Variants in ENDOV observed in about 807,000 individuals in gnomAD.
ENDOV encodes hEndoV.
Under a neutral mutation model 39.4 loss-of-function variants are expected in ENDOV, and 37 were observed. The observed-to-expected ratio is 0.94, with a 90% confidence interval of 0.72 to 1.23. The LOEUF (loss-of-function observed/expected upper bound fraction) is 1.23, where lower values mean the gene tolerates loss of function less well. ENDOV is among the 50% of genes most tolerant of loss of function. The pLI, the probability that ENDOV is intolerant of heterozygous loss-of-function variation, is 0.00. For synonymous variants in ENDOV, 186 were observed against 163.4 expected, an observed-to-expected ratio of 1.14 and a Z score of -1.05; for missense variants, 441 against 375.7, an observed-to-expected ratio of 1.17 and a Z score of -1.44.
chr17:80,425,322 C>G, intron 6 of ENDOV, 170 bp from the exon 7 acceptor site: 1 of 1,043,108 alleles, frequency 9.6e-7, no homozygotes, highest in Non-Finnish European at 1.4e-6. Flanking sequence ...CAGGGACAAG[C>G]AGCAGGAAGG....
chr17:80,422,438 G>A (rs923668110), intron 4 of ENDOV, among the ~76,000 whole-genome samples, 193 bp downstream of exon 4: 1 of 152,060 alleles, frequency 6.6e-6, no homozygotes, highest in Admixed American at 6.5e-5. Flanking sequence ...GTAAAGGACT[G>A]TCTACTTTCG....
Position 80,428,425 on chromosome 17 carries a change from T to G in ENDOV, c.715-171T>G, listed in dbSNP as rs770794034. ...TTGACCCCAAAGTCCCAGGCATGCC[T>G]GTCCCACACTCGCTGACAGGGCCGC... On this transcript the variant is annotated intron_variant, in intron 7 of 9. Coordinates refer to ENST00000518137, the MANE Select transcript of ENDOV (RefSeq NM_173627.5). 7.2e-5 allele frequency: 47 copies of G among 649,580 alleles called. 1 individual carries two copies. The highest frequency in any genetic ancestry group is 1.7e-4 in the Admixed American group (6 of 35,556). The allele number at this position is 649,580 out of a possible 1,614,324, so 40.2% of individuals were successfully genotyped here.
chr17:80,428,589 C>A lies in ENDOV; in HGVS notation c.715-7C>A. ...TCAGCACCCAGCAGCACGTCTGTCT[C>A]CCCCAGGCTGACATCTGCTCCCGAG... is the stretch of plus-strand genomic sequence containing the variant. On this transcript the variant is annotated splice_polypyrimidine_tract_variant and splice_region_variant and intron_variant, in intron 7 of 9. Coordinates refer to ENST00000518137, the MANE Select transcript of ENDOV (RefSeq NM_173627.5). 1 of 1,577,004 alleles carries A rather than the reference C, an allele frequency of 6.3e-7. No homozygotes were observed. Among genetic ancestry groups the A allele is most frequent in the South Asian group, 1.2e-5 (1 of 85,794 alleles).
intron 5 of ENDOV, 48 bp downstream of exon 5, chr17:80,423,680 G>A: frequency 6.6e-7 from 1 of 1,518,650 alleles, no homozygotes; most frequent in East Asian, 2.5e-5. Flanking sequence ...CAGTGGCGGG[G>A]CTGTGGTGGC....
intron 7 of ENDOV, chr17:80,427,343 T>C (rs1013060413): frequency 3.5e-5 from 29 of 830,566 alleles, no homozygotes; most frequent in Middle Eastern, 1.2e-3. Context: ...GCACAGTTCC[T>C]GGAGCTCCTG....
chr17:80,415,224 G>A lies in ENDOV; in HGVS notation c.30G>A (p.Pro10=), dbSNP rs777557220. Residue 10 remains proline (P), a synonymous_variant, in exon 1 of 10, where the codon CCG becomes CCA. Transcript: ENST00000518137. MALEAAGGP[P]EETLSLWKRE... is the part of the protein sequence containing the mutation. The stretch of plus-strand genomic sequence containing the variant: ...CCCTGGAGGCGGCGGGAGGGCCGCC[G>A]GAGGAAACGCTGTCACTGTGGAAAC... 3 of 1,613,400 alleles carry A rather than the reference G, an allele frequency of 1.9e-6. No homozygotes were observed. The highest frequency in any genetic ancestry group is 2.5e-6 in the Non-Finnish European group (3 of 1,179,726).
intron 7 of ENDOV, chr17:80,428,326 G>A (rs2082979241): frequency 4.0e-6 from 2 of 497,114 alleles, no homozygotes; most frequent in Non-Finnish European, 7.3e-6. Flanking sequence ...CCCTCACTCA[G>A]CCTGTCCACT....
chr17:80,423,500 C>G lies in ENDOV; in HGVS notation c.404-20C>G, dbSNP rs2082317207. On this transcript the variant is annotated intron_variant, in intron 4 of 9. Transcript: ENST00000518137. ...CCCCAGCCCCACCTCCCCAACCCCACCCTCCTTTCTCTCTGGCAGGCTTTG... is the reference window on the plus strand; with the variant it reads ...CCCCAGCCCCACCTCCCCAACCCCAGCCTCCTTTCTCTCTGGCAGGCTTTG... The G allele has an allele frequency of 6.5e-7, 1 of 1,533,354 alleles. No homozygotes were observed. Among genetic ancestry groups the G allele is most frequent in the Non-Finnish European group, 8.8e-7 (1 of 1,134,626 alleles). 95.0% of individuals were successfully genotyped at this position (1,533,354 alleles called of 1,614,324 possible). A position where few individuals can be genotyped will look rare whatever the true frequency, so the allele number is the denominator to read the frequency against.
intron 2 of ENDOV, chr17:80,417,835 C>CTTCAAGAGA: frequency 6.6e-6 from 1 of 152,198 alleles, no homozygotes. Context: ...TGGACTCTTC[C>CTTCAAGAGA]TTCAAGAGAT....
chr17:80,415,554 C>A, intron 1 of ENDOV, 96 bp from the exon 2 acceptor site: 1 of 1,432,416 alleles, frequency 7.0e-7, no homozygotes, highest in Non-Finnish European at 9.5e-7. Flanking sequence ...CGGGAGAAGA[C>A]CCGGCAGAGG....
At chr17:80,417,213 C>T (rs889787226) in intron 2 of ENDOV, 1 of 152,250 alleles carries the variant, frequency 6.6e-6, no homozygotes, top group African/African-American at 2.4e-5. Flanking sequence ...TCAGTTCTTC[C>T]CACCTCCTAC....
intron 9 of ENDOV, chr17:80,430,387 GTTTA>G (rs914799283): frequency 3.6e-5 from 35 of 971,070 alleles, no homozygotes; most frequent in Admixed American, 1.5e-4. Context: ...TTGTTTGTTT[GTTTA>G]TTTATTTCCA....
At chr17:80,435,955 A>G (rs1336032804) in intron 9 of ENDOV, among the ~76,000 whole-genome samples, 178 bp from the exon 10 acceptor site, 1 of 151,570 alleles carries the variant, frequency 6.6e-6, no homozygotes, top group Non-Finnish European at 1.5e-5. Context: ...GGGTCTCACC[A>G]TGTTACCCAG....
Position 80,427,363 on chromosome 17 carries a change from C to T in ENDOV, c.715-1233C>T, listed in dbSNP as rs371151855. ...GTTCCTGGAGCTCCTGTACCTTTTTCTGCCTCAGCGCGCCCCAGAGTAGGA... is the reference window on the plus strand; with the variant it reads ...GTTCCTGGAGCTCCTGTACCTTTTTTTGCCTCAGCGCGCCCCAGAGTAGGA... On this transcript the variant is annotated intron_variant, in intron 7 of 9. Coordinates refer to ENST00000518137, the MANE Select transcript of ENDOV (RefSeq NM_173627.5). 144 of 947,710 alleles carry T rather than the reference C, an allele frequency of 1.5e-4. No individual in the cohort carries two copies. The African/African-American group carries it at 2.3e-3, about 15-fold the overall frequency. 58.7% of individuals were successfully genotyped at this position (947,710 alleles called of 1,614,324 possible). A position where few individuals can be genotyped will look rare whatever the true frequency, so the allele number is the denominator to read the frequency against.
rs1474802251 is a variant in ENDOV at position 80,437,298 on chromosome 17, C to T, written c.*1155C>T. ...CCTGCATGCCTTTCCCAGGCTCTCCCCAGGCGGACAGCCAGCACCCCCTCC... is the reference window on the plus strand; with the variant it reads ...CCTGCATGCCTTTCCCAGGCTCTCCTCAGGCGGACAGCCAGCACCCCCTCC... On this transcript the variant is annotated 3_prime_UTR_variant, in exon 10 of 10. Coordinates refer to ENST00000518137, the MANE Select transcript of ENDOV (RefSeq NM_173627.5). 3 of 152,776 alleles carry T rather than the reference C, an allele frequency of 2.0e-5. No homozygotes were observed. Among genetic ancestry groups the T allele is most frequent in the African/African-American group, 4.8e-5 (2 of 41,462 alleles). 9.5% of individuals were successfully genotyped at this position (152,776 alleles called of 1,614,324 possible).
In ENDOV at chr17:80,425,117, C is replaced by A; in HGVS notation, c.585+17C>A. 1 of 1,598,944 alleles carries A rather than the reference C, an allele frequency of 6.3e-7. No homozygotes were observed. The highest frequency in any genetic ancestry group is 8.5e-7 in the Non-Finnish European group (1 of 1,172,386). ...CTGGGAATGGTGAGTAGCTAGGGCC[C>A]TGAGCTCCTCCAAAGCCCCGGGGTA... On this transcript the variant is annotated intron_variant, in intron 6 of 9. Coordinates refer to ENST00000518137, the MANE Select transcript of ENDOV (RefSeq NM_173627.5).
At chr17:80,415,289 G>C (rs778692980) in intron 1 of ENDOV, 39 bp downstream of exon 1, 10 of 1,608,664 alleles carry the variant, frequency 6.2e-6, no homozygotes, top group South Asian at 1.1e-5. Flanking sequence ...CGGGGGCCGA[G>C]GCCGGGCGGC....
At chr17:80,426,865 G>C (rs898611867) in intron 7 of ENDOV, among the ~76,000 whole-genome samples, 1 of 152,220 alleles carries the variant, frequency 6.6e-6, no homozygotes, top group Non-Finnish European at 1.5e-5. Flanking sequence ...GGCTGTGGAC[G>C]CAGGTCTGCA....
chr17:80,423,420 G>A, intron 4 of ENDOV, 100 bp from the exon 5 acceptor site: 1 of 1,157,714 alleles, frequency 8.6e-7, no homozygotes, highest in Admixed American at 2.3e-5. Context: ...ACAGACCTCT[G>A]CTCACTTAGG....
Sources: gnomAD v4.1 joint callset for allele counts (sites outside exome capture counted in the v4.1 genomes callset) on GRCh38, gnomAD v4.1.1 for gene constraint, MANE v1.5 for transcripts, NCBI Gene and HGNC (gene_info 2026-07-23, HGNC 2026-07-21) for gene names.